Variants in WDR4 observed in about 807,000 individuals in gnomAD.
WDR4 encodes the protein tRNA (guanine-N(7)-)-methyltransferase non-catalytic subunit WDR4.
Under a neutral mutation model 48.6 loss-of-function variants are expected in WDR4, and 47 were observed. The ratio of observed to expected loss-of-function variants is 0.97; its 90% CI spans 0.77 to 1.23. The LOEUF (loss-of-function observed/expected upper bound fraction) is 1.23, where lower values mean the gene tolerates loss of function less well. Among genes scored for constraint, WDR4 ranks in the 50% most tolerant of loss-of-function variants. The probability of loss-of-function intolerance (pLI) is 0.00; values close to 1 mark genes in which losing one functional copy is unlikely to be tolerated. For missense variants in WDR4, 606 were observed against 551.6 expected (o/e 1.10, Z -0.99); for synonymous variants, 268 against 230.0 (o/e 1.17, Z -1.49).
chr21:42,847,303 A>G (rs1208666135), downstream of WDR4, among the ~76,000 whole-genome samples: 1 of 152,202 alleles, frequency 6.6e-6, no homozygotes, highest in African/African-American at 2.4e-5. Flanking sequence ...ACAAAACTCT[A>G]AATACACGCG....
At chr21:42,852,690 C>T (rs1463591756) in intron 9 of WDR4, among the ~76,000 whole-genome samples, 2 of 152,196 alleles carry the variant, frequency 1.3e-5, no homozygotes, top group East Asian at 1.9e-4. Flanking sequence ...CCAAGGCGGG[C>T]GGATCACCTG....
intron 3 of WDR4, among the ~76,000 whole-genome samples, chr21:42,864,551 G>A (rs143193774): frequency 4.5e-4 from 69 of 152,296 alleles, no homozygotes; most frequent in Non-Finnish European, 6.2e-4. Context: ...GAGGAAGCTC[G>A]GTTATCCAGC....
In WDR4 at chr21:42,862,409, G is replaced by T; in HGVS notation, c.454-15C>A. On this transcript the variant is annotated splice_polypyrimidine_tract_variant and intron_variant, in intron 4 of 10. Coordinates refer to ENST00000398208, the MANE Select transcript of WDR4 (RefSeq NM_018669.6). The surrounding 1 kb of genome is among the most constrained non-coding windows in gnomAD (Gnocchi z 4.3). Reference sequence around the variant, plus strand: ...GGACTCACAGCCTGCATCACCAGGGGCCAGAAAAGAAAAAGCCGCTCACCT... The same window carrying T: ...GGACTCACAGCCTGCATCACCAGGGTCCAGAAAAGAAAAAGCCGCTCACCT... The T allele has an allele frequency of 6.3e-7, 1 of 1,586,114 alleles. No individual in the cohort carries two copies. The highest frequency in any genetic ancestry group is 8.6e-7 in the Non-Finnish European group (1 of 1,165,400).
At chr21:42,859,924 G>A (rs559637886) in intron 5 of WDR4, among the ~76,000 whole-genome samples, 4 of 152,210 alleles carry the variant, frequency 2.6e-5, no homozygotes, top group South Asian at 2.1e-4. Context: ...GGACGCAGTC[G>A]GGGAGGTGAG....
intron 8 of WDR4, among the ~76,000 whole-genome samples, chr21:42,854,188 A>C (rs1032200161): frequency 1.3e-5 from 2 of 152,112 alleles, no homozygotes; most frequent in African/African-American, 4.8e-5. Context: ...ACTGCACTCC[A>C]CCCCTAAACC....
Position 42,855,276 on chromosome 21 carries a change from C to T in WDR4, c.726+406G>A, listed in dbSNP as rs1602704150. Among the ~76,000 whole-genome samples, 8 of 152,338 alleles carry T rather than the reference C, an allele frequency of 5.3e-5. No homozygotes were observed. In the South Asian group the frequency reaches 1.7e-3, roughly 32 times the overall value. On this transcript the variant is annotated intron_variant, in intron 7 of 10. Coordinates refer to ENST00000398208, the MANE Select transcript of WDR4 (RefSeq NM_018669.6). ...CCACACAGTTCTCTAGGAAATGGAA[C>T]AGACCGTTTGGCGGGAAACTTTGCC...
At chr21:42,854,262 G>GTGAT (rs1354829619) in intron 8 of WDR4, among the ~76,000 whole-genome samples, 1 of 152,252 alleles carries the variant, frequency 6.6e-6, no homozygotes, top group African/African-American at 2.4e-5. Context: ...CGGGAGTGAG[G>GTGAT]TGATGCCACC....
rs2058143106 is a variant in WDR4 at position 42,862,513 on chromosome 21, G to A, written c.454-119C>T. 1 of 870,540 alleles carries A rather than the reference G, an allele frequency of 1.1e-6. No homozygotes were observed. Among genetic ancestry groups the A allele is most frequent in the Non-Finnish European group, 1.8e-6 (1 of 560,336 alleles). 53.9% of individuals were successfully genotyped at this position (870,540 alleles called of 1,614,324 possible). A position where few individuals can be genotyped will look rare whatever the true frequency, so the allele number is the denominator to read the frequency against. On this transcript the variant is annotated intron_variant, in intron 4 of 10. Transcript: ENST00000398208. The surrounding 1 kb of genome is among the most constrained non-coding windows in gnomAD (Gnocchi z 4.3). The stretch of plus-strand genomic sequence containing the variant: ...GCCGCCAAGAGGATGAGGCCTTCGA[G>A]GACAGACCAGCGTGGCTCCTCCCCT...
chr21:42,880,452 C>G (rs560869803), upstream of WDR4, among the ~76,000 whole-genome samples: 1 of 152,072 alleles, frequency 6.6e-6, no homozygotes, highest in Non-Finnish European at 1.5e-5. Context: ...TTTTCTCTCC[C>G]GTGCACGCAA....
intron 10 of WDR4, among the ~76,000 whole-genome samples, chr21:42,851,057 C>G (rs1160800030): frequency 6.6e-6 from 1 of 152,198 alleles, no homozygotes; most frequent in South Asian, 2.1e-4. Flanking sequence ...CCAACGCAGG[C>G]CCCCAAGTCT....
rs540138953 is a variant in WDR4, at chr21:42,850,093, G to T, written c.1195C>A (p.His399Asn). ...TCCCCCGGTCTCATCTTCTTGGCAT[G>T]CCCGTCGGGCCCAGGCGGGGGACTC... ...RRSPPPGPDGHAKKMRPGEAT... is the reference protein window; with the variant it reads ...RRSPPPGPDGNAKKMRPGEAT... Residue 399 changes from histidine (H) to asparagine (N), a missense_variant, in exon 11 of 11, where the codon CAT becomes AAT. Physicochemically the swap from His to Asn is moderately conservative, Grantham distance 68 (BLOSUM62 1). Coordinates refer to ENST00000398208, the MANE Select transcript of WDR4 (RefSeq NM_018669.6). The T allele has an allele frequency of 3.4e-5, 55 of 1,614,106 alleles. 1 individual carries two copies. The Middle Eastern group carries it at 3.1e-3, about 92-fold the overall frequency.
chr21:42,862,655 C>G lies in WDR4; in HGVS notation c.454-261G>C, dbSNP rs997982061. Among the ~76,000 whole-genome samples, 3 of 152,114 alleles carry G rather than the reference C, an allele frequency of 2.0e-5. No homozygotes were observed. Among genetic ancestry groups the G allele is most frequent in the Non-Finnish European group, 2.9e-5 (2 of 68,020 alleles). The stretch of plus-strand genomic sequence containing the variant: ...AGGCTTCTGGGGTGGGGCAGTGCCA[C>G]CCCTGCCTGCCTGTCTCCCGCACCT... On this transcript the variant is annotated intron_variant, in intron 4 of 10. Coordinates refer to ENST00000398208, the MANE Select transcript of WDR4 (RefSeq NM_018669.6). The surrounding 1 kb of genome is among the most constrained non-coding windows in gnomAD (Gnocchi z 4.3).
At chr21:42,853,510 A>C in intron 9 of WDR4, 59 bp downstream of exon 9, 2 of 1,539,134 alleles carry the variant, frequency 1.3e-6, no homozygotes, top group Non-Finnish European at 1.8e-6. Flanking sequence ...CTGCCGCCCC[A>C]CACCCCCAGG....
chr21:42,846,217 T>C (rs149481904), downstream of WDR4, among the ~76,000 whole-genome samples: 854 of 152,066 alleles, frequency 5.6e-3, 4 homozygotes, highest in Middle Eastern at 0.021. Context: ...CAAATGCCCA[T>C]TGATAATAGA....
At chr21:42,855,012 C>T (rs12627571) in intron 7 of WDR4, among the ~76,000 whole-genome samples, 8,897 of 152,048 alleles carry the variant, frequency 0.059, 326 homozygotes, top group East Asian at 0.15. Context: ...AAGAAGAGGC[C>T]GTGCACAGTG....
At chr21:42,857,626 G>A (rs2058025610) in intron 6 of WDR4, among the ~76,000 whole-genome samples, 1 of 152,174 alleles carries the variant, frequency 6.6e-6, no homozygotes, top group African/African-American at 2.4e-5. Context: ...CACTATCCGA[G>A]AATGGGTGGC....
At position 42,873,590 on chromosome 21, in the gene WDR4, A is replaced by G. The variant is rs1164442761; in HGVS notation, c.257T>C (p.Ile86Thr). 6.2e-7 allele frequency: 1 copy of G among 1,614,226 alleles called. No homozygotes were observed. The highest frequency in any genetic ancestry group is 1.1e-5 in the South Asian group (1 of 91,088). The change falls in exon 3 of 11, where the codon ATT becomes ACT. Residue 86 changes from isoleucine to threonine, a missense_variant. Transcript: ENST00000398208. ...TTGCCATGGTTTTGTACGGAAAAGA[A>G]TCAGACGCTTACTGTCATCGGTTAA... ...FALTDDSKRL[I>T]LFRTKPWQCL... is the part of the protein sequence containing the mutation.
At chr21:42,873,517 G>C (rs374479247) in intron 3 of WDR4, 34 bp downstream of exon 3, 7 of 1,611,118 alleles carry the variant, frequency 4.3e-6, no homozygotes, top group Non-Finnish European at 5.9e-6. Flanking sequence ...GTGTGCATTC[G>C]ACATCTTAAG....
chr21:42,850,113 G>A lies in WDR4; in HGVS notation c.1175C>T (p.Pro392Leu). Residue 392 changes from proline (P) to leucine (L), a missense_variant, in exon 11 of 11, where the codon CCC (proline) becomes CTC (leucine). Transcript: ENST00000398208. The part of the protein sequence containing the change: ...QLEKKQRRRS[P>L]PPGPDGHAKK... ...GGCATGCCCGTCGGGCCCAGGCGGG[G>A]GACTCCGGCGCCGCTGCTTCTTCTC... 1 of 1,614,052 alleles carries A rather than the reference G, an allele frequency of 6.2e-7. No homozygotes were observed. The highest frequency in any genetic ancestry group is 8.5e-7 in the Non-Finnish European group (1 of 1,179,984).
Sources: gnomAD v4.1 joint callset for allele counts (sites outside exome capture counted in the v4.1 genomes callset) on GRCh38, gnomAD v4.1.1 for gene constraint, Gnocchi (gnomAD v3.1) non-coding constraint, MANE v1.5 for transcripts, NCBI Gene and HGNC (gene_info 2026-07-23, HGNC 2026-07-21) for gene names.